Variants in BCL7C observed in about 807,000 individuals in gnomAD.
BCL7C encodes the protein BAF chromatin remodeling complex subunit BCL7C.
BCL7C carries 8 observed loss-of-function variants against 26.2 expected under a neutral mutation model. That is an observed-to-expected ratio of 0.30 (90% CI 0.18 to 0.55). The LOEUF (loss-of-function observed/expected upper bound fraction) is 0.55. Ranked by LOEUF, BCL7C falls within the 20% of genes least tolerant of loss-of-function variation. The probability of loss-of-function intolerance (pLI) is 0.93; values close to 1 mark genes in which losing one functional copy is unlikely to be tolerated. For synonymous variants in BCL7C, 90 were observed against 116.5 expected (o/e 0.77, Z 1.47); for missense variants, 262 against 298.5 (o/e 0.88, Z 0.90).
At chr16:30,843,824 G>C (rs2054617130) in intron 5 of BCL7C, among the ~76,000 whole-genome samples, 1 of 151,896 alleles carries the variant, frequency 6.6e-6, no homozygotes, top group Admixed American at 6.6e-5. Flanking sequence ...TGGATCACTT[G>C]AGGTCAGGAG....
intron 5 of BCL7C, among the ~76,000 whole-genome samples, chr16:30,836,925 C>T (rs1465712703): frequency 6.6e-6 from 1 of 151,532 alleles, no homozygotes; most frequent in Non-Finnish European, 1.5e-5. Context: ...TCCTGGGTAG[C>T]TGGGACTACA....
Position 30,834,806 on chromosome 16 carries a change from C to T in BCL7C, c.*142G>A. The T allele has an allele frequency of 1.3e-6, 1 of 789,646 alleles. No individual in the cohort carries two copies. 48.9% of individuals were successfully genotyped at this position (789,646 alleles called of 1,614,324 possible). A position where few individuals can be genotyped will look rare whatever the true frequency, so the allele number is the denominator to read the frequency against. ...TGGGTGCTGTGGCCTTAGGTTCGGG[C>T]AGGTGTGGGGCCGCTCGCCCTCCGA... On this transcript the variant is annotated 3_prime_UTR_variant, in exon 6 of 6. Transcript: ENST00000380317. This position sits in a 1 kb window ranked among gnomAD's most constrained non-coding sequence, Gnocchi z 4.3.
intron 5 of BCL7C, among the ~76,000 whole-genome samples, chr16:30,846,237 T>C (rs1596813814): frequency 6.7e-6 from 1 of 149,674 alleles, no homozygotes; most frequent in East Asian, 2.0e-4. Context: ...TATTTATTTA[T>C]TTTTTGGAGA....
rs1567326237 is a variant in BCL7C at position 30,892,764 on chromosome 16, CGA to C, written c.281-19_281-18del. Reference sequence around the variant, plus strand: ...TGTTCTCATCTGCGGGAGCAAGAGCCGAGATGGTTGGCCTGAGATCCCTAGTA... The same window carrying C: ...TGTTCTCATCTGCGGGAGCAAGAGCCGATGGTTGGCCTGAGATCCCTAGTA... On this transcript the variant is annotated intron_variant, in intron 3 of 5. Transcript: ENST00000215115. 2 of 1,614,138 alleles carry C rather than the reference CGA, an allele frequency of 1.2e-6. No homozygotes were observed. Among genetic ancestry groups the C allele is most frequent in the Admixed American group, 3.3e-5 (2 of 60,012 alleles).
At chr16:30,869,678 AT>A (rs1201500351) in intron 5 of BCL7C, among the ~76,000 whole-genome samples, 2 of 151,228 alleles carry the variant, frequency 1.3e-5, no homozygotes, top group East Asian at 1.9e-4. Flanking sequence ...TGCCCGACTA[AT>A]TTTTTTTATT....
chr16:30,842,045 C>G (rs1211381546), intron 5 of BCL7C, among the ~76,000 whole-genome samples: 3 of 146,954 alleles, frequency 2.0e-5, no homozygotes, highest in Admixed American at 6.8e-5. Context: ...ACTCTTCTGT[C>G]TTTGTCTTTT....
At chr16:30,842,256 G>A (rs1210088222) in intron 5 of BCL7C, among the ~76,000 whole-genome samples, 1 of 152,108 alleles carries the variant, frequency 6.6e-6, no homozygotes, top group Non-Finnish European at 1.5e-5. Context: ...CAATGAGAGA[G>A]GCCTCAGAAG....
At chr16:30,877,801 A>G (rs1389962731) in intron 5 of BCL7C, among the ~76,000 whole-genome samples, 2 of 152,150 alleles carry the variant, frequency 1.3e-5, no homozygotes, top group African/African-American at 4.8e-5. Context: ...AACACCATGT[A>G]AGCCAAACAA....
chr16:30,881,533 C>T (rs1479527677), intron 5 of BCL7C, among the ~76,000 whole-genome samples: 4 of 152,188 alleles, frequency 2.6e-5, no homozygotes, highest in East Asian at 1.9e-4. Context: ...CTGAGCAGGG[C>T]GACCATAAGT....
chr16:30,849,514 C>T (rs752241466), intron 5 of BCL7C, among the ~76,000 whole-genome samples: 6 of 151,874 alleles, frequency 4.0e-5, no homozygotes, highest in East Asian at 1.9e-4. Flanking sequence ...TGCAGTAGCA[C>T]GATCTCAACT....
intron 5 of BCL7C, among the ~76,000 whole-genome samples, chr16:30,867,076 T>C (rs758467077): frequency 6.6e-5 from 10 of 152,090 alleles, no homozygotes; most frequent in Non-Finnish European, 1.3e-4. Flanking sequence ...AAGTCAGAGC[T>C]TGTCAAACCA....
At chr16:30,878,128 T>G (rs1481191601) in intron 5 of BCL7C, among the ~76,000 whole-genome samples, 1 of 150,686 alleles carries the variant, frequency 6.6e-6, no homozygotes, top group East Asian at 2.0e-4. Flanking sequence ...TGACCCAAGA[T>G]CATGCCACTG....
intron 5 of BCL7C, among the ~76,000 whole-genome samples, chr16:30,836,713 T>G (rs549263643): frequency 6.6e-6 from 1 of 152,044 alleles, no homozygotes; most frequent in African/African-American, 2.4e-5. Flanking sequence ...TGGGCTCAAG[T>G]AATTCACCCA....
intron 5 of BCL7C, among the ~76,000 whole-genome samples, chr16:30,881,562 G>A (rs1244352054): frequency 6.6e-6 from 1 of 152,166 alleles, no homozygotes; most frequent in Non-Finnish European, 1.5e-5. Flanking sequence ...CCCAGCTTCT[G>A]CCTGCCTTCC....
At chr16:30,889,498 T>G (rs2055190203) in intron 4 of BCL7C, among the ~76,000 whole-genome samples, 1 of 152,004 alleles carries the variant, frequency 6.6e-6, no homozygotes, top group Non-Finnish European at 1.5e-5. Flanking sequence ...GTTTGTTTGT[T>G]TTAGTTTTTG....
Position 30,834,662 on chromosome 16 carries a change from C to T in BCL7C, c.*286G>A, listed in dbSNP as rs2054558555. ...CCGCATGGGTGCGTGAGGAGGTGGG[C>T]GAGGCAGCCCAGTGCACCCCTCCCC... On this transcript the variant is annotated 3_prime_UTR_variant, in exon 6 of 6. Coordinates refer to the BCL7C transcript ENST00000380317. The surrounding 1 kb of genome is among the most constrained non-coding windows in gnomAD (Gnocchi z 4.3). 7.3e-6 allele frequency: 2 copies of T among 273,564 alleles called. No individual in the cohort carries two copies. Among genetic ancestry groups the T allele is most frequent in the South Asian group, 9.7e-5 (1 of 10,320 alleles). The allele number at this position is 273,564 out of a possible 1,614,324, so 16.9% of individuals were successfully genotyped here. A position where few individuals can be genotyped will look rare whatever the true frequency, so the allele number is the denominator to read the frequency against.
chr16:30,851,983 C>A, intron 5 of BCL7C: 1 of 161,406 alleles, frequency 6.2e-6, no homozygotes, highest in South Asian at 1.8e-4. Flanking sequence ...TGAGCTTTTT[C>A]ACCTTTCCAA....
intron 5 of BCL7C, among the ~76,000 whole-genome samples, chr16:30,854,649 T>C (rs2054703625): frequency 6.6e-6 from 1 of 152,112 alleles, no homozygotes; most frequent in Admixed American, 6.6e-5. Flanking sequence ...TTATCTACAG[T>C]TTCCAAAAAT....
At chr16:30,867,836 T>C (rs937472025) in intron 5 of BCL7C, among the ~76,000 whole-genome samples, 6 of 151,860 alleles carry the variant, frequency 4.0e-5, no homozygotes, top group African/African-American at 1.5e-4. Flanking sequence ...ATTTCTGATT[T>C]TGATCAGAGG....
Sources: gnomAD v4.1 joint callset for allele counts (sites outside exome capture counted in the v4.1 genomes callset) on GRCh38, gnomAD v4.1.1 for gene constraint, Gnocchi (gnomAD v3.1) non-coding constraint, MANE v1.5 for transcripts, NCBI Gene and HGNC (gene_info 2026-07-23, HGNC 2026-07-21) for gene names.